The following LRP1B variants were observed in gnomAD, a reference collection of about 807,000 sequenced individuals.
The protein encoded by LRP1B is low-density lipoprotein receptor-related protein 1B.
LRP1B carries 217 observed loss-of-function variants against 556.6 expected under a neutral mutation model. That is an observed-to-expected ratio of 0.39 (90% CI 0.35 to 0.44). The LOEUF (loss-of-function observed/expected upper bound fraction) is 0.44. Among genes scored for constraint, LRP1B ranks in the 20% least tolerant of loss-of-function variants. The probability of loss-of-function intolerance (pLI) is 1.00; values close to 1 mark genes in which losing one functional copy is unlikely to be tolerated. For synonymous variants in LRP1B, 2,047 were observed against 1,865.8 expected (o/e 1.10, Z -2.50); for missense variants, 5,053 against 5,620.8 (o/e 0.90, Z 3.23).
At chr2:140,962,362 C>G (rs759582444) in intron 18 of LRP1B, among the ~76,000 whole-genome samples, 1 of 152,140 alleles carries the variant, frequency 6.6e-6, no homozygotes, top group African/African-American at 2.4e-5. Flanking sequence ...ATCTAGAACA[C>G]AGTGGCTAAA....
At chr2:140,239,357 A>T (rs1680851121) in intron 88 of LRP1B, 85 bp downstream of exon 88, 1 of 831,466 alleles carries the variant, frequency 1.2e-6, no homozygotes. Context: ...AATCATGTTT[A>T]AAAAAATTAA....
chr2:141,263,256 A>C (rs978513844), intron 3 of LRP1B, among the ~76,000 whole-genome samples: 10 of 152,080 alleles, frequency 6.6e-5, no homozygotes, highest in African/African-American at 2.4e-4. Context: ...GAACAAAGAA[A>C]ACTAAAAAGA....
chr2:141,567,046 A>C (rs1686357049), intron 2 of LRP1B, among the ~76,000 whole-genome samples: 1 of 152,186 alleles, frequency 6.6e-6, no homozygotes, highest in Non-Finnish European at 1.5e-5. Context: ...AAAAAAGATT[A>C]GAAAATTAGA....
In LRP1B at chr2:142,084,609, C is replaced by T. The variant is rs570188068; in HGVS notation, c.82+46039G>A. 3.9e-5 allele frequency among the ~76,000 whole-genome samples: 6 copies of T among 152,254 alleles called. No individual in the cohort carries two copies. In the East Asian group the frequency reaches 1.2e-3, roughly 30 times the overall value. On this transcript the variant is annotated intron_variant, in intron 1 of 90. Coordinates refer to ENST00000389484, the MANE Select transcript of LRP1B (RefSeq NM_018557.3). ...TCACCAAGTCCTATTAATTTTACAT[C>T]TGCAATATTCCTTCGACCTGAACTC...
At chr2:140,311,573 A>G (rs1405961133) in intron 83 of LRP1B, among the ~76,000 whole-genome samples, 1 of 151,768 alleles carries the variant, frequency 6.6e-6, no homozygotes, top group Non-Finnish European at 1.5e-5. Flanking sequence ...TAAAATGTAC[A>G]CTATTCAGCT....
chr2:140,333,798 A>C (rs1680937857), intron 79 of LRP1B, among the ~76,000 whole-genome samples: 1 of 152,004 alleles, frequency 6.6e-6, no homozygotes, highest in Non-Finnish European at 1.5e-5. Flanking sequence ...GAAAGATATA[A>C]CTAGGTAGAC....
intron 32 of LRP1B, among the ~76,000 whole-genome samples, chr2:140,780,571 TACTC>T (rs1258321767): frequency 6.6e-6 from 1 of 152,116 alleles, no homozygotes; most frequent in East Asian, 1.9e-4. Context: ...GTTCCCTCCT[TACTC>T]ACCCTCTCGG....
chr2:140,367,426 G>C (rs1362435484), intron 71 of LRP1B, among the ~76,000 whole-genome samples: 1 of 151,686 alleles, frequency 6.6e-6, no homozygotes. Flanking sequence ...ACAGACAAAG[G>C]CAAGAGCTGG....
chr2:140,702,211 C>G lies in LRP1B; in HGVS notation c.6232G>C (p.Val2078Leu), dbSNP rs1233804418. The G allele has an allele frequency of 1.2e-6, 2 of 1,613,764 alleles. No homozygotes were observed. The highest frequency in any genetic ancestry group is 1.1e-5 in the South Asian group (1 of 91,074). ...ATATCCACATTGCTTCCTGACAGCA[C>G]CATCTCGCGATTCCCTCCAGTCTCA... Reference protein sequence around the residue: ...DLETGGNREMVLSGSNVDMFS... With the variant: ...DLETGGNREMLLSGSNVDMFS... Residue 2078 changes from valine to leucine, a missense_variant, in exon 39 of 91, where the codon GTG becomes CTG. Coordinates refer to ENST00000389484, the MANE Select transcript of LRP1B (RefSeq NM_018557.3).
intron 41 of LRP1B, among the ~76,000 whole-genome samples, chr2:140,626,953 T>C (rs1258925701): frequency 6.6e-6 from 1 of 152,150 alleles, no homozygotes; most frequent in East Asian, 1.9e-4. Flanking sequence ...GGAAACAAAA[T>C]AGAACTAGAC....
At chr2:141,765,512 A>G (rs1045158748) in intron 2 of LRP1B, among the ~76,000 whole-genome samples, 1 of 152,184 alleles carries the variant, frequency 6.6e-6, no homozygotes, top group African/African-American at 2.4e-5. Context: ...TGCTGACAGC[A>G]AGTAGTAGCA....
chr2:140,743,526 C>T (rs1349044205), intron 35 of LRP1B, among the ~76,000 whole-genome samples: 1 of 152,176 alleles, frequency 6.6e-6, no homozygotes, highest in African/African-American at 2.4e-5. Context: ...GTTTCCCCAT[C>T]TGTAAAACAG....
chr2:140,552,159 C>A (rs986082808), intron 43 of LRP1B, among the ~76,000 whole-genome samples: 1 of 152,070 alleles, frequency 6.6e-6, no homozygotes, highest in South Asian at 2.1e-4. Flanking sequence ...TAAATTGATG[C>A]CCCTTCAAGT....
At chr2:141,471,268 A>ATGTTTTTTTTTTTTTTTTTTTTTTTTTTT (rs1553518973) in intron 3 of LRP1B, among the ~76,000 whole-genome samples, 3 of 31,902 alleles carry the variant, frequency 9.4e-5, no homozygotes, top group African/African-American at 1.5e-4. Flanking sequence ...ATACCCTGGT[A>ATGTTTTTTTTTTTTTTTTTTTTTTTTTTT]TTTTTTTTTT....
intron 66 of LRP1B, among the ~76,000 whole-genome samples, chr2:140,431,071 G>C (rs888906152): frequency 2.6e-5 from 4 of 152,120 alleles, no homozygotes; most frequent in Non-Finnish European, 4.4e-5. Context: ...CCTCGGTTTA[G>C]CCTTCCCACC....
intron 35 of LRP1B, among the ~76,000 whole-genome samples, chr2:140,750,406 G>A (rs1210827378): frequency 6.6e-6 from 1 of 150,998 alleles, no homozygotes; most frequent in Non-Finnish European, 1.5e-5. Context: ...TCTCATATTT[G>A]TTTTAATGTA....
Position 141,601,418 on chromosome 2 carries a change from G to A in LRP1B, c.206-120885C>T, listed in dbSNP as rs185659529. 1.0e-3 allele frequency among the ~76,000 whole-genome samples: 159 copies of A among 152,162 alleles called. 1 individual carries two copies. The highest frequency in any genetic ancestry group is 3.5e-3 in the African/African-American group (147 of 41,518). The stretch of plus-strand genomic sequence containing the variant: ...TATGAATGCAGACAAATCACTTGCC[G>A]TCTACAGTTTCTAGGCCAGTGAAGC... On this transcript the variant is annotated intron_variant, in intron 2 of 90. Transcript: ENST00000389484.
At chr2:140,760,696 C>T (rs1688890235) in intron 35 of LRP1B, among the ~76,000 whole-genome samples, 1 of 152,054 alleles carries the variant, frequency 6.6e-6, no homozygotes, top group African/African-American at 2.4e-5. Flanking sequence ...ACCAGCCTTG[C>T]AAACATGGAA....
intron 3 of LRP1B, among the ~76,000 whole-genome samples, chr2:141,454,208 T>C (rs1240779140): frequency 1.3e-5 from 2 of 152,190 alleles, no homozygotes; most frequent in Admixed American, 1.3e-4. Context: ...GACTATAATT[T>C]TGTACACCAC....
Sources: gnomAD v4.1 joint callset for allele counts (sites outside exome capture counted in the v4.1 genomes callset) on GRCh38, gnomAD v4.1.1 for gene constraint, MANE v1.5 for transcripts, NCBI Gene and HGNC (gene_info 2026-07-23, HGNC 2026-07-21) for gene names.